The following KIF26B variants were observed in gnomAD, a reference collection of about 807,000 sequenced individuals.
KIF26B encodes kinesin family member 26B.
Under a neutral mutation model 151.2 loss-of-function variants are expected in KIF26B, and 63 were observed. The ratio of observed to expected loss-of-function variants is 0.42; its 90% CI spans 0.34 to 0.51. The LOEUF is 0.51. Among genes scored for constraint, KIF26B ranks in the 20% least tolerant of loss-of-function variants. The probability of loss-of-function intolerance (pLI) is 0.07; values close to 1 mark genes in which losing one functional copy is unlikely to be tolerated. For missense variants in KIF26B, 2,813 were observed against 2,913.6 expected, an observed-to-expected ratio of 0.97 and a Z score of 0.79; for synonymous variants, 1,357 against 1,262.1, an observed-to-expected ratio of 1.08 and a Z score of -1.59.
intron 2 of KIF26B, among the ~76,000 whole-genome samples, chr1:245,339,351 TTTA>T (rs1453256659): frequency 1.3e-5 from 2 of 152,198 alleles, no homozygotes; most frequent in Admixed American, 6.5e-5. Context: ...GCCATGTTGG[TTTA>T]TTATTCTGTA....
At position 245,602,802 on chromosome 1, in the gene KIF26B, T is replaced by A; in HGVS notation, c.1557+19T>A. 1 of 1,610,058 alleles carries A rather than the reference T, an allele frequency of 6.2e-7. No homozygotes were observed. The highest frequency in any genetic ancestry group is 8.5e-7 in the Non-Finnish European group (1 of 1,177,548). The stretch of plus-strand genomic sequence containing the variant: ...TTCTCAGGTGGGTATCAGCCCCCTC[T>A]CAGGCTCAGGCAACGTTGATGAAAG... On this transcript the variant is annotated intron_variant, in intron 6 of 14. Transcript: ENST00000407071. This position sits in a 1 kb window ranked among gnomAD's most constrained non-coding sequence, Gnocchi z 4.5.
chr1:245,229,796 C>A (rs991874322), intron 2 of KIF26B, among the ~76,000 whole-genome samples: 17 of 152,170 alleles, frequency 1.1e-4, no homozygotes, highest in African/African-American at 3.9e-4. Context: ...TTTCTTTATT[C>A]ATTCTCCTGT....
intron 5 of KIF26B, among the ~76,000 whole-genome samples, chr1:245,569,174 T>A (rs1043956323): frequency 1.3e-5 from 2 of 152,166 alleles, no homozygotes; most frequent in Non-Finnish European, 2.9e-5. Context: ...GCCAGAGAAG[T>A]AAGCAAGTAA....
At chr1:245,543,580 T>C (rs1178417273) in intron 5 of KIF26B, among the ~76,000 whole-genome samples, 3 of 152,166 alleles carry the variant, frequency 2.0e-5, no homozygotes, top group African/African-American at 7.2e-5. Context: ...ACCCTCCTGA[T>C]CTGCTCAGGC....
chr1:245,305,936 C>CAAAAAAAAAAAAA (rs55865379), intron 2 of KIF26B, among the ~76,000 whole-genome samples: 44 of 86,654 alleles, frequency 5.1e-4, no homozygotes, highest in Non-Finnish European at 7.3e-4. Flanking sequence ...GACGACTCCT[C>CAAAAAAAAAAAAA]AAAAAAAAAA....
At chr1:245,290,181 GAAT>G (rs1170578470) in intron 2 of KIF26B, among the ~76,000 whole-genome samples, 3 of 25,248 alleles carry the variant, frequency 1.2e-4, no homozygotes, top group African/African-American at 7.0e-4. Context: ...TTTATTGAAT[GAAT>G]GAATGAATGA....
chr1:245,481,205 T>C (rs573186670), intron 4 of KIF26B, among the ~76,000 whole-genome samples: 2 of 151,876 alleles, frequency 1.3e-5, no homozygotes, highest in African/African-American at 4.8e-5. Flanking sequence ...TTATCTTTAC[T>C]ACTGTGTGGA....
At chr1:245,613,084 G>C (rs570797212) in intron 9 of KIF26B, among the ~76,000 whole-genome samples, 1 of 152,146 alleles carries the variant, frequency 6.6e-6, no homozygotes, top group Non-Finnish European at 1.5e-5. Flanking sequence ...TGGGCTGGCC[G>C]GGCAGTGGCT....
intron 4 of KIF26B, among the ~76,000 whole-genome samples, chr1:245,513,523 T>C (rs887837860): frequency 2.0e-5 from 3 of 152,180 alleles, no homozygotes; most frequent in Non-Finnish European, 4.4e-5. Flanking sequence ...AGTCTTAAAC[T>C]GATCAGTGCC....
rs1422836478 is a variant in KIF26B at position 245,222,496 on chromosome 1, TG to T, written c.465+65814del. ...TACTCTAGAGGCTTACACAATTAAT[TG>T]TAGAAAATGAAACTCTGAAAGAACT... On this transcript the variant is annotated intron_variant, in intron 2 of 14. Coordinates refer to ENST00000407071, the MANE Select transcript of KIF26B (RefSeq NM_018012.4). Among the ~76,000 whole-genome samples, 4 of 152,042 alleles carry T rather than the reference TG, an allele frequency of 2.6e-5. No homozygotes were observed. In the East Asian group the frequency reaches 7.7e-4, roughly 29 times the overall value.
intron 5 of KIF26B, among the ~76,000 whole-genome samples, chr1:245,593,233 A>T (rs911429153): frequency 5.9e-5 from 9 of 152,246 alleles, no homozygotes; most frequent in Non-Finnish European, 8.8e-5. Context: ...CAGGTTTGTT[A>T]CATAGGTATA....
At chr1:245,210,184 C>T (rs1669488857) in intron 2 of KIF26B, among the ~76,000 whole-genome samples, 2 of 152,206 alleles carry the variant, frequency 1.3e-5, no homozygotes, top group South Asian at 4.1e-4. Flanking sequence ...GTCAGCCCAC[C>T]CCCAAGGCCC....
At chr1:245,438,992 T>C (rs1658999313) in intron 4 of KIF26B, among the ~76,000 whole-genome samples, 1 of 152,202 alleles carries the variant, frequency 6.6e-6, no homozygotes, top group Non-Finnish European at 1.5e-5. Context: ...CACAGGTGGA[T>C]ACATATGACA....
intron 4 of KIF26B, among the ~76,000 whole-genome samples, chr1:245,438,725 G>A (rs966411343): frequency 2.0e-5 from 3 of 152,194 alleles, no homozygotes; most frequent in African/African-American, 4.8e-5. Context: ...ATCCTCAAAC[G>A]ATTGCTACAC....
At chr1:245,158,462 T>C (rs1558328352) in intron 2 of KIF26B, among the ~76,000 whole-genome samples, 1 of 125,106 alleles carries the variant, frequency 8.0e-6, no homozygotes, top group Admixed American at 9.1e-5. Context: ...ATTTTATGTA[T>C]GTGATAAGGT....
At chr1:245,248,226 C>T (rs1670372978) in intron 2 of KIF26B, among the ~76,000 whole-genome samples, 2 of 152,074 alleles carry the variant, frequency 1.3e-5, no homozygotes, top group Admixed American at 6.6e-5. Context: ...GGAACTTCAG[C>T]AGTATTAGCT....
At chr1:245,364,017 C>T (rs556501185) in intron 2 of KIF26B, among the ~76,000 whole-genome samples, 3 of 152,312 alleles carry the variant, frequency 2.0e-5, no homozygotes, top group African/African-American at 7.2e-5. Context: ...TGAGTCACTA[C>T]AGACTGGGCT....
At chr1:245,502,604 A>G (rs553670168) in intron 4 of KIF26B, among the ~76,000 whole-genome samples, 6 of 152,094 alleles carry the variant, frequency 3.9e-5, no homozygotes, top group Admixed American at 3.9e-4. Context: ...TTAGACTGCA[A>G]GCTCAATGAA....
chr1:245,303,446 C>T (rs1671480031), intron 2 of KIF26B, among the ~76,000 whole-genome samples: 1 of 150,846 alleles, frequency 6.6e-6, no homozygotes, highest in Non-Finnish European at 1.5e-5. Flanking sequence ...GATCCGCCCG[C>T]CTCGGCCTCC....
Sources: allele counts gnomAD v4.1 joint callset (sites outside exome capture counted in the v4.1 genomes callset), GRCh38; gene constraint gnomAD v4.1.1; non-coding constraint Gnocchi (gnomAD v3.1); transcripts MANE v1.5; gene names NCBI Gene and HGNC (gene_info 2026-07-23, HGNC 2026-07-21).